Variants in ZRANB3 observed in about 807,000 individuals in gnomAD.
ZRANB3 encodes DNA annealing helicase and endonuclease ZRANB3.
In ZRANB3, 125 loss-of-function variants were observed where a neutral mutation model predicts 133.8. The observed-to-expected ratio is 0.93, with a 90% CI of 0.81 to 1.08. The LOEUF is 1.08. Among genes scored for constraint, ZRANB3 ranks in the 50% least tolerant of loss-of-function variants. The probability of loss-of-function intolerance (pLI) is 0.00; values close to 1 mark genes in which losing one functional copy is unlikely to be tolerated. For missense variants in ZRANB3, 1,229 were observed against 1,275.5 expected (o/e 0.96, Z 0.56); for synonymous variants, 387 against 432.7 (o/e 0.89, Z 1.31).
intron 2 of ZRANB3, among the ~76,000 whole-genome samples, chr2:135,471,687 T>C (rs1388277384): frequency 6.6e-6 from 1 of 152,166 alleles, no homozygotes; most frequent in Non-Finnish European, 1.5e-5. Flanking sequence ...AGTAACAGGG[T>C]TCACGAAATG....
intron 12 of ZRANB3, among the ~76,000 whole-genome samples, chr2:135,243,754 G>A (rs1372997573): frequency 1.3e-5 from 2 of 152,018 alleles, no homozygotes; most frequent in Non-Finnish European, 2.9e-5. Flanking sequence ...GAGTAGCTGG[G>A]ACTACAGGTG....
At chr2:135,389,139 T>G (rs1687111621) in intron 3 of ZRANB3, among the ~76,000 whole-genome samples, 1 of 152,156 alleles carries the variant, frequency 6.6e-6, no homozygotes, top group Non-Finnish European at 1.5e-5. Context: ...GAACTCATCT[T>G]GTTTCAAAAG....
intron 2 of ZRANB3, among the ~76,000 whole-genome samples, chr2:135,487,500 T>G (rs1692176357): frequency 6.6e-6 from 1 of 152,240 alleles, no homozygotes; most frequent in African/African-American, 2.4e-5. Context: ...AGAAGCCTGT[T>G]TCATCTACAT....
At chr2:135,526,046 G>A (rs892584649) in intron 1 of ZRANB3, among the ~76,000 whole-genome samples, 1 of 152,044 alleles carries the variant, frequency 6.6e-6, no homozygotes, top group Non-Finnish European at 1.5e-5. Flanking sequence ...AGGATACAGG[G>A]GAGTTGCAGT....
chr2:135,451,601 C>T (rs1690275624), intron 2 of ZRANB3, among the ~76,000 whole-genome samples: 1 of 151,158 alleles, frequency 6.6e-6, no homozygotes, highest in Admixed American at 6.6e-5. Flanking sequence ...ACCACTAACA[C>T]TAAAAACACC....
intron 2 of ZRANB3, among the ~76,000 whole-genome samples, chr2:135,444,193 T>C (rs1368279195): frequency 6.6e-6 from 1 of 152,092 alleles, no homozygotes. Context: ...GTATAGCCAC[T>C]TTAGAAAACT....
intron 2 of ZRANB3, among the ~76,000 whole-genome samples, chr2:135,401,710 C>A (rs1687738448): frequency 6.6e-6 from 1 of 152,174 alleles, no homozygotes; most frequent in Non-Finnish European, 1.5e-5. Context: ...ACCGTAATAG[C>A]TGCTTTGTGA....
At chr2:135,497,390 T>C (rs926616709) in intron 2 of ZRANB3, among the ~76,000 whole-genome samples, 3 of 152,174 alleles carry the variant, frequency 2.0e-5, no homozygotes, top group Non-Finnish European at 2.9e-5. Flanking sequence ...GACACAAAGA[T>C]GGCAAACAGA....
At chr2:135,414,700 G>A (rs1232399429) in intron 2 of ZRANB3, among the ~76,000 whole-genome samples, 1 of 152,010 alleles carries the variant, frequency 6.6e-6, no homozygotes, top group Non-Finnish European at 1.5e-5. Context: ...CCACATACTT[G>A]GAAGTAAAGC....
intron 2 of ZRANB3, among the ~76,000 whole-genome samples, chr2:135,408,777 A>T (rs1014722014): frequency 1.3e-5 from 2 of 151,838 alleles, no homozygotes; most frequent in African/African-American, 4.8e-5. Flanking sequence ...CTGAACAATG[A>T]GAACACATGG....
chr2:135,351,924 C>G (rs1359379527), intron 4 of ZRANB3, among the ~76,000 whole-genome samples: 3 of 152,120 alleles, frequency 2.0e-5, no homozygotes, highest in Non-Finnish European at 4.4e-5. Flanking sequence ...AAAATATTAT[C>G]CACCATTTAA....
At chr2:135,274,604 A>AT (rs1207283951) in intron 9 of ZRANB3, among the ~76,000 whole-genome samples, 1 of 151,986 alleles carries the variant, frequency 6.6e-6, no homozygotes, top group East Asian at 1.9e-4. Context: ...CTTTTTTTAA[A>AT]TTTTTTTAAT....
intron 2 of ZRANB3, among the ~76,000 whole-genome samples, chr2:135,432,800 G>A (rs1343600600): frequency 1.3e-5 from 2 of 152,210 alleles, no homozygotes; most frequent in Non-Finnish European, 2.9e-5. Flanking sequence ...AGGAGTTGGA[G>A]TTGAAGGGCT....
At chr2:135,366,980 C>G (rs1685968358) in intron 3 of ZRANB3, among the ~76,000 whole-genome samples, 1 of 152,026 alleles carries the variant, frequency 6.6e-6, no homozygotes, top group South Asian at 2.1e-4. Context: ...GAGATCATGC[C>G]ATTGCACTCC....
At chr2:135,357,932 G>A (rs1022532946) in intron 3 of ZRANB3, among the ~76,000 whole-genome samples, 3 of 152,170 alleles carry the variant, frequency 2.0e-5, no homozygotes, top group East Asian at 1.9e-4. Context: ...ATTGAGTAAC[G>A]GCAAATACCT....
At chr2:135,303,715 G>C (rs1682553060) in intron 8 of ZRANB3, among the ~76,000 whole-genome samples, 1 of 152,098 alleles carries the variant, frequency 6.6e-6, no homozygotes, top group Non-Finnish European at 1.5e-5. Flanking sequence ...TTGATTAACA[G>C]CATTGAATAT....
At chr2:135,452,129 C>T (rs1047638342) in intron 2 of ZRANB3, among the ~76,000 whole-genome samples, 2 of 152,130 alleles carry the variant, frequency 1.3e-5, no homozygotes, top group Non-Finnish European at 2.9e-5. Flanking sequence ...GCAAAAGGCA[C>T]TTCTTACATG....
chr2:135,455,589 C>CTTTTTTTTTTTTTTTT (rs929421233), intron 2 of ZRANB3, among the ~76,000 whole-genome samples: 1 of 126,476 alleles, frequency 7.9e-6, no homozygotes, highest in Non-Finnish European at 1.7e-5. Context: ...TGATTTTTTT[C>CTTTTTTTTTTTTTTTT]TTTTTTTTTT....
intron 20 of ZRANB3, 136 bp from the exon 21 acceptor site, chr2:135,200,576 G>T: frequency 1.4e-6 from 1 of 691,472 alleles, no homozygotes; most frequent in Non-Finnish European, 2.4e-6. Flanking sequence ...CTATGGAAGA[G>T]TTACCAAACC....
Sources: allele counts gnomAD v4.1 joint callset (sites outside exome capture counted in the v4.1 genomes callset), GRCh38; gene constraint gnomAD v4.1.1; transcripts MANE v1.5; gene names NCBI Gene and HGNC (gene_info 2026-07-23, HGNC 2026-07-21).